The following GNAO1 variants were observed in gnomAD, a reference collection of about 807,000 sequenced individuals.
GNAO1 encodes the protein guanine nucleotide-binding protein G(o) subunit alpha.
For synonymous variants in GNAO1, 164 were observed against 180.7 expected (o/e 0.91, Z 0.74); for missense variants, 166 against 478.7 (o/e 0.35, Z 6.10).
At chr16:56,341,285 A>G (rs1213219413) in intron 6 of GNAO1, among the ~76,000 whole-genome samples, 1 of 152,174 alleles carries the variant, frequency 6.6e-6, no homozygotes, top group Non-Finnish European at 1.5e-5. Flanking sequence ...TGACGAGACG[A>G]GCAAACGCCG....
intron 3 of GNAO1, among the ~76,000 whole-genome samples, chr16:56,300,314 T>C (rs1342636884): frequency 3.9e-5 from 6 of 152,144 alleles, no homozygotes; most frequent in Admixed American, 1.3e-4. Flanking sequence ...AGGCTGTAGA[T>C]AGTGGTCAGG....
At chr16:56,233,230 C>G (rs1237310220) in intron 2 of GNAO1, among the ~76,000 whole-genome samples, 2 of 152,190 alleles carry the variant, frequency 1.3e-5, no homozygotes. Context: ...CCTGTTACTG[C>G]TATTATCATA....
chr16:56,258,687 C>T (rs543442135), intron 2 of GNAO1, among the ~76,000 whole-genome samples: 7 of 152,356 alleles, frequency 4.6e-5, no homozygotes, highest in South Asian at 2.1e-4. Flanking sequence ...TCCCACAAAT[C>T]GGTCTGGACA....
Position 56,192,278 on chromosome 16 carries a change from C to A in GNAO1, c.43C>A (p.Arg15=). The A allele has an allele frequency of 1.2e-6, 2 of 1,610,178 alleles. No individual in the cohort carries two copies. The highest frequency in any genetic ancestry group is 2.2e-5 in the East Asian group (1 of 44,812). Residue 15 remains arginine, a synonymous_variant, in exon 1 of 9, where the codon CGG becomes AGG. Transcript: ENST00000262493. ...CGCAGAGGAGAGAGCCGCCCTCGAG[C>A]GGAGCAAGGCGATTGAGAAAAACCT... ...LSAEERAALE[R]SKAIEKNLKE...
chr16:56,229,018 A>T (rs1332467541), intron 2 of GNAO1, among the ~76,000 whole-genome samples: 1 of 152,202 alleles, frequency 6.6e-6, no homozygotes, highest in South Asian at 2.1e-4. Context: ...GGAGCTCAGT[A>T]TATATTTGTT....
rs535318250 is a variant in GNAO1 at position 56,356,684 on chromosome 16, C to G, written c.*610C>G. 1 of 152,774 alleles carries G rather than the reference C, an allele frequency of 6.5e-6. No homozygotes were observed. The highest frequency in any genetic ancestry group is 2.1e-4 in the South Asian group (1 of 4,834). 9.5% of individuals were successfully genotyped at this position (152,774 alleles called of 1,614,324 possible). On this transcript the variant is annotated 3_prime_UTR_variant, in exon 9 of 9. Transcript: ENST00000262493. ...GGCCAGTAGCTGCCAAAAAGAACAC[C>G]CATCGTATAAGGAAATCCAGCCCCA...
intron 3 of GNAO1, among the ~76,000 whole-genome samples, chr16:56,304,760 C>T (rs1316108159): frequency 3.3e-5 from 5 of 152,230 alleles, no homozygotes; most frequent in African/African-American, 9.6e-5. Flanking sequence ...CTGTATCATC[C>T]ATGACTCAGT....
At chr16:56,214,481 G>A (rs1476150022) in intron 2 of GNAO1, among the ~76,000 whole-genome samples, 1 of 152,218 alleles carries the variant, frequency 6.6e-6, no homozygotes, top group African/African-American at 2.4e-5. Flanking sequence ...ATTTTAATGT[G>A]TTTTAGGACA....
chr16:56,262,643 C>T (rs1435591355), intron 2 of GNAO1, among the ~76,000 whole-genome samples: 1 of 152,208 alleles, frequency 6.6e-6, no homozygotes, highest in African/African-American at 2.4e-5. Flanking sequence ...ATGCAGACTG[C>T]TCCCAATGTA....
intron 2 of GNAO1, among the ~76,000 whole-genome samples, chr16:56,238,746 A>G (rs1234953399): frequency 6.6e-6 from 1 of 152,250 alleles, no homozygotes; most frequent in Non-Finnish European, 1.5e-5. Flanking sequence ...TTACACAATT[A>G]ATGCTTATTT....
At chr16:56,194,995 G>A (rs1354879854) in intron 2 of GNAO1, among the ~76,000 whole-genome samples, 1 of 152,002 alleles carries the variant, frequency 6.6e-6, no homozygotes, top group Non-Finnish European at 1.5e-5. Context: ...ACACCGAGGA[G>A]GGGGGAAAAT....
At chr16:56,219,732 C>T (rs1221217503) in intron 2 of GNAO1, among the ~76,000 whole-genome samples, 4 of 152,024 alleles carry the variant, frequency 2.6e-5, no homozygotes, top group Non-Finnish European at 5.9e-5. Context: ...TGTGTGGCTC[C>T]TTCATGGCTC....
chr16:56,265,330 T>C (rs1822710035), intron 2 of GNAO1, among the ~76,000 whole-genome samples: 1 of 152,248 alleles, frequency 6.6e-6, no homozygotes, highest in African/African-American at 2.4e-5. Flanking sequence ...GCCCCTCTTA[T>C]GCATGTCCAC....
chr16:56,251,191 G>A (rs1051149053), intron 2 of GNAO1, among the ~76,000 whole-genome samples: 4 of 152,204 alleles, frequency 2.6e-5, no homozygotes, highest in Admixed American at 2.6e-4. Flanking sequence ...TAGATGAGGA[G>A]ACTGAGGGTT....
intron 2 of GNAO1, among the ~76,000 whole-genome samples, chr16:56,199,430 G>A (rs1275016713): frequency 6.6e-6 from 1 of 152,180 alleles, no homozygotes; most frequent in African/African-American, 2.4e-5. Context: ...TTTTTCCGTG[G>A]CTTCCAGGAT....
At chr16:56,240,601 G>A (rs1466420095) in intron 2 of GNAO1, among the ~76,000 whole-genome samples, 2 of 152,076 alleles carry the variant, frequency 1.3e-5, no homozygotes, top group East Asian at 1.9e-4. Context: ...TATCAGAATC[G>A]AATTTTTCCC....
chr16:56,251,296 G>T (rs2143456032), intron 2 of GNAO1, among the ~76,000 whole-genome samples: 1 of 152,326 alleles, frequency 6.6e-6, no homozygotes, highest in South Asian at 2.1e-4. Context: ...CAGTGAAGTT[G>T]CCCATTACAC....
rs755224987 is a variant in GNAO1 at position 56,192,190 on chromosome 16, G to A, written c.-46G>A. 12 of 1,130,350 alleles carry A rather than the reference G, an allele frequency of 1.1e-5. No homozygotes were observed. The East Asian group carries it at 3.0e-4, about 29-fold the overall frequency. The allele number at this position is 1,130,350 out of a possible 1,614,324, so 70.0% of individuals were successfully genotyped here. On this transcript the variant is annotated 5_prime_UTR_variant, in exon 1 of 9. Coordinates refer to ENST00000262493, the MANE Select transcript of GNAO1 (RefSeq NM_020988.3). The stretch of plus-strand genomic sequence containing the variant: ...GGTGGGGGGCGCTCCAAGCCGGGGA[G>A]CCGTGCCAGCCGAGTCGTGCGGGCT...
rs73545903 is a variant in GNAO1, at chr16:56,354,194, G to A, written c.878-672G>A. Among the ~76,000 whole-genome samples, 1,041 of 152,308 alleles carry A rather than the reference G, an allele frequency of 6.8e-3. 11 individuals are homozygous for A. The highest frequency in any genetic ancestry group is 0.024 in the African/African-American group (1,002 of 41,562). On this transcript the variant is annotated intron_variant, in intron 7 of 8. Coordinates refer to ENST00000262493, the MANE Select transcript of GNAO1 (RefSeq NM_020988.3). The surrounding 1 kb of genome is among the most constrained non-coding windows in gnomAD (Gnocchi z 4.3). ...GCAGGATTGGTTTAGACCATGGGGC[G>A]GTGCCTCAATTTGCTCATCTAGGAA...
Sources: allele counts gnomAD v4.1 joint callset (sites outside exome capture counted in the v4.1 genomes callset), GRCh38; gene constraint gnomAD v4.1.1; non-coding constraint Gnocchi (gnomAD v3.1); transcripts MANE v1.5; gene names NCBI Gene and HGNC (gene_info 2026-07-23, HGNC 2026-07-21).